The following NMT2 variants were observed in gnomAD, a reference collection of about 807,000 sequenced individuals.
NMT2 encodes the protein N-myristoyltransferase 2.
Under a neutral mutation model 65.4 loss-of-function variants are expected in NMT2, and 35 were observed. That is an observed-to-expected ratio of 0.54 (90% CI 0.41 to 0.71). NMT2 has a LOEUF of 0.71. NMT2 is among the 30% of genes least tolerant of loss of function. The pLI is 0.00. For missense variants in NMT2, 489 were observed against 611.3 expected, an observed-to-expected ratio of 0.80 and a Z score of 2.11; for synonymous variants, 226 against 231.8, an observed-to-expected ratio of 0.98 and a Z score of 0.23.
At chr10:15,128,714 A>G (rs1429521641) in intron 7 of NMT2, among the ~76,000 whole-genome samples, 1 of 152,192 alleles carries the variant, frequency 6.6e-6, no homozygotes, top group Non-Finnish European at 1.5e-5. Context: ...TGCAAAGGAA[A>G]TATTAGTTGG....
chr10:15,107,236 C>A lies in NMT2; in HGVS notation c.*1959G>T, dbSNP rs537648927. ...CATTTTTTGGCTTTTTCTCCTCAAC[C>A]ATTCCAGAAAATAAAAACATTCTTA... is the stretch of plus-strand genomic sequence containing the variant. On this transcript the variant is annotated 3_prime_UTR_variant, in exon 12 of 12. Transcript: ENST00000378165. The A allele has an allele frequency of 1.4e-6, 1 of 704,360 alleles. No homozygotes were observed. Among genetic ancestry groups the A allele is most frequent in the Non-Finnish European group, 1.7e-6 (1 of 573,606 alleles). The allele number at this position is 704,360 out of a possible 1,614,324, so 43.6% of individuals were successfully genotyped here.
chr10:15,113,463 CAAAA>C lies in NMT2; in HGVS notation c.1171-504_1171-501del, dbSNP rs1169255963. Among the ~76,000 whole-genome samples, 308 of 36,954 alleles carry C rather than the reference CAAAA, an allele frequency of 8.3e-3. 1 individual carries two copies. The highest frequency in any genetic ancestry group is 0.06 in the Middle Eastern group (3 of 50). 24.2% of individuals were successfully genotyped at this position (36,954 alleles called of 152,430 possible). A position where few individuals can be genotyped will look rare whatever the true frequency, so the allele number is the denominator to read the frequency against. The stretch of plus-strand genomic sequence containing the variant: ...CCAGCCTGGGCGACAGGATGAGACT[CAAAA>C]AAAAAAAAAAAAAAAAAAAAAAGAA... On this transcript the variant is annotated intron_variant, in intron 9 of 11. Transcript: ENST00000378165.
intron 9 of NMT2, among the ~76,000 whole-genome samples, chr10:15,114,042 T>C (rs1845662620): frequency 6.6e-6 from 1 of 152,200 alleles, no homozygotes; most frequent in Admixed American, 6.6e-5. Flanking sequence ...GAAGGATGTA[T>C]GCTTTGGTTT....
chr10:15,127,254 A>C (rs1354062224), intron 8 of NMT2, among the ~76,000 whole-genome samples: 2 of 147,778 alleles, frequency 1.4e-5, no homozygotes, highest in African/African-American at 5.0e-5. Context: ...AAAAATAAAA[A>C]AAATAACTTT....
chr10:15,126,719 G>A (rs1846084867), intron 8 of NMT2, among the ~76,000 whole-genome samples: 1 of 152,178 alleles, frequency 6.6e-6, no homozygotes, highest in African/African-American at 2.4e-5. Context: ...CCTCAGCCCT[G>A]GCTGACACCT....
At position 15,133,511 on chromosome 10, in the gene NMT2, T is replaced by C. The variant is rs1846361433; in HGVS notation, c.392-148A>G. 17 of 640,694 alleles carry C rather than the reference T, an allele frequency of 2.7e-5. 1 individual carries two copies. In the South Asian group the frequency reaches 3.0e-4, roughly 11 times the overall value. 39.7% of individuals were successfully genotyped at this position (640,694 alleles called of 1,614,324 possible). On this transcript the variant is annotated intron_variant, in intron 3 of 11. Transcript: ENST00000378165. ...CAGATAATCTTTAAAAAGATGCTGT[T>C]ATATCAAGCGCCTCTGGACTGAAAC...
chr10:15,108,415 G>T lies in NMT2; in HGVS notation c.*780C>A. 2 of 677,168 alleles carry T rather than the reference G, an allele frequency of 3.0e-6. No homozygotes were observed. Among genetic ancestry groups the T allele is most frequent in the Non-Finnish European group, 3.6e-6 (2 of 548,714 alleles). 41.9% of individuals were successfully genotyped at this position (677,168 alleles called of 1,614,324 possible). ...TTGGCCAGAATGGTCTCGATCTCCT[G>T]ACCTCATGATCTGCCCACCTTGGCC... On this transcript the variant is annotated 3_prime_UTR_variant, in exon 12 of 12. Coordinates refer to ENST00000378165, the MANE Select transcript of NMT2 (RefSeq NM_004808.3).
chr10:15,113,025 A>G (rs1304624085), intron 9 of NMT2, 62 bp from the exon 10 acceptor site: 2 of 1,485,966 alleles, frequency 1.3e-6, no homozygotes, highest in Non-Finnish European at 1.9e-6. Context: ...GTGCATTTCC[A>G]CTAACTCTGT....
At chr10:15,119,201 T>G in intron 9 of NMT2, 142 bp downstream of exon 9, 1 of 751,056 alleles carries the variant, frequency 1.3e-6, no homozygotes, top group South Asian at 1.8e-5. Flanking sequence ...ATTATTAATC[T>G]TATTAACTCT....
chr10:15,138,878 C>T (rs952399185), intron 2 of NMT2, among the ~76,000 whole-genome samples: 1 of 152,194 alleles, frequency 6.6e-6, no homozygotes, highest in African/African-American at 2.4e-5. Flanking sequence ...ATGGTTACTA[C>T]TGAGTGTCAA....
At chr10:15,165,206 C>T (rs962296993) in intron 1 of NMT2, among the ~76,000 whole-genome samples, 28 of 151,404 alleles carry the variant, frequency 1.8e-4, no homozygotes, top group Non-Finnish European at 5.9e-5. Flanking sequence ...CTTTTTGTAC[C>T]ACTGCCACCC....
chr10:15,148,559 T>C (rs917216519), intron 1 of NMT2, among the ~76,000 whole-genome samples: 1 of 152,118 alleles, frequency 6.6e-6, no homozygotes. Flanking sequence ...AATGAATTCA[T>C]ACATCTAAGA....
At chr10:15,132,730 C>T (rs1846327038) in intron 6 of NMT2, 87 bp downstream of exon 6, 1 of 974,850 alleles carries the variant, frequency 1.0e-6, no homozygotes, top group African/African-American at 1.6e-5. Flanking sequence ...GCTTGGCCTG[C>T]ATTCAGTAAC....
At chr10:15,163,003 C>T (rs1209562732) in intron 1 of NMT2, among the ~76,000 whole-genome samples, 1 of 151,850 alleles carries the variant, frequency 6.6e-6, no homozygotes, top group African/African-American at 2.4e-5. Context: ...GCGATCACAG[C>T]TCTCTGGGCT....
At chr10:15,143,838 G>A (rs1428971818) in intron 1 of NMT2, among the ~76,000 whole-genome samples, 1 of 152,164 alleles carries the variant, frequency 6.6e-6, no homozygotes, top group East Asian at 1.9e-4. Context: ...CTGGGCAACA[G>A]AGTGAGACCC....
intron 1 of NMT2, among the ~76,000 whole-genome samples, chr10:15,151,636 G>C (rs569500965): frequency 6.5e-4 from 99 of 152,318 alleles, no homozygotes; most frequent in African/African-American, 2.1e-3. Flanking sequence ...AAATTGTTCA[G>C]CCATTTGACA....
In NMT2 at chr10:15,112,978, G is replaced by A; in HGVS notation, c.1171-15C>T. On this transcript the variant is annotated splice_polypyrimidine_tract_variant and intron_variant, in intron 9 of 11. Coordinates refer to ENST00000378165, the MANE Select transcript of NMT2 (RefSeq NM_004808.3). ...CCGTTGGGGCTCTAGGAGCAAAAGT[G>A]CTGTCAGACAGAGATCTCCTTGAAC... The A allele has an allele frequency of 6.2e-7, 1 of 1,613,224 alleles. No individual in the cohort carries two copies. Among genetic ancestry groups the A allele is most frequent in the Non-Finnish European group, 8.5e-7 (1 of 1,179,314 alleles).
At chr10:15,113,516 T>G (rs1426992697) in intron 9 of NMT2, among the ~76,000 whole-genome samples, 4 of 131,136 alleles carry the variant, frequency 3.1e-5, no homozygotes, top group Non-Finnish European at 4.9e-5. Flanking sequence ...CAGAATGTCC[T>G]AAAAGGAAAG....
At position 15,168,641 on chromosome 10, in the gene NMT2, C is replaced by G. The variant is rs200198589; in HGVS notation, c.-29G>C. On this transcript the variant is annotated 5_prime_UTR_variant, in exon 1 of 12. Transcript: ENST00000378165. ...GGCGGCGCTGGCTGGGGAGGCGGTG[C>G]TCGGGGCCGGGCCGGAGCGGCCGCA... The G allele has an allele frequency of 1.3e-6, 2 of 1,548,704 alleles. No individual in the cohort carries two copies. Among genetic ancestry groups the G allele is most frequent in the African/African-American group, 1.4e-5 (1 of 70,570 alleles).
Sources: allele counts gnomAD v4.1 joint callset (sites outside exome capture counted in the v4.1 genomes callset), GRCh38; gene constraint gnomAD v4.1.1; transcripts MANE v1.5; gene names NCBI Gene and HGNC (gene_info 2026-07-23, HGNC 2026-07-21).